TONSL: variants seen among roughly 807,000 people sequenced by gnomAD.
The protein encoded by TONSL is tonsoku like, DNA repair protein, also known as tonsoku-like protein.
TONSL carries 112 observed loss-of-function variants against 147.1 expected under a neutral mutation model. That is an observed-to-expected ratio of 0.76 (90% CI 0.65 to 0.89). The LOEUF (loss-of-function observed/expected upper bound fraction) is 0.89, where lower values mean the gene tolerates loss of function less well. Ranked by LOEUF, TONSL falls within the 40% of genes least tolerant of loss-of-function variation. The probability of loss-of-function intolerance (pLI) is 0.00; values close to 1 mark genes in which losing one functional copy is unlikely to be tolerated. For missense variants in TONSL, 1,883 were observed against 1,864.6 expected (o/e 1.01, Z -0.18); for synonymous variants, 868 against 801.5 (o/e 1.08, Z -1.40).
intron 11 of TONSL, among the ~76,000 whole-genome samples, chr8:144,439,596 C>T (rs1401680759): frequency 6.6e-6 from 1 of 152,248 alleles, no homozygotes; most frequent in African/African-American, 2.4e-5. Context: ...CAGTCCAAGC[C>T]CCGCTCCAGC....
chr8:144,435,239 C>T (rs1336639421), intron 18 of TONSL, 69 bp from the exon 19 acceptor site: 3 of 1,436,916 alleles, frequency 2.1e-6, no homozygotes, highest in Non-Finnish European at 2.7e-6. Context: ...GACCCGCCAT[C>T]CCTGCCCAGG....
In TONSL at chr8:144,433,980, G is replaced by A; in HGVS notation, c.3385C>T (p.Gln1129Ter). Residue 1129 changes from glutamine (Q) to a stop codon, truncating the protein, a stop_gained and splice_region_variant, in exon 21 of 26, where the codon CAG becomes TAG. Coordinates refer to ENST00000409379, the MANE Select transcript of TONSL (RefSeq NM_013432.5). LOFTEE classifies it high-confidence loss of function. ...CCTGCTGCTCTCTGTGCCTATACCT[G>A]CAAGGTGGCTTGGCCTGGGAGCCCC... The part of the protein sequence containing the change: ...AMGLPGQATL[Q>*]SLEELDLSMN... 1 of 1,581,570 alleles carries A rather than the reference G, an allele frequency of 6.3e-7. No individual in the cohort carries two copies. The highest frequency in any genetic ancestry group is 1.1e-5 in the South Asian group (1 of 86,974).
At chr8:144,440,628 A>G in intron 9 of TONSL, 90 bp downstream of exon 9, 1 of 1,540,558 alleles carries the variant, frequency 6.5e-7, no homozygotes, top group Non-Finnish European at 8.7e-7. Flanking sequence ...CCGTCCAGTA[A>G]GGACACCTGT....
At chr8:144,444,116 C>G (rs1162209266) in intron 2 of TONSL, 64 bp downstream of exon 2, 2 of 1,304,104 alleles carry the variant, frequency 1.5e-6, no homozygotes, top group African/African-American at 1.6e-5. Flanking sequence ...CGCCCCCCGG[C>G]CCCCGATCCC....
intron 3 of TONSL, among the ~76,000 whole-genome samples, chr8:144,443,590 C>T (rs1363004565): frequency 6.6e-6 from 1 of 152,242 alleles, no homozygotes; most frequent in African/African-American, 2.4e-5. Flanking sequence ...CCTCCAGCAG[C>T]CAGGGTCAGG....
At chr8:144,443,517 A>G (rs1429713059) in intron 3 of TONSL, among the ~76,000 whole-genome samples, 196 bp from the exon 4 acceptor site, 1 of 152,242 alleles carries the variant, frequency 6.6e-6, no homozygotes. Context: ...TTCACGCTGT[A>G]TGCAGCCAAC....
At position 144,442,450 on chromosome 8, in the gene TONSL, T is replaced by A. The variant is rs372135592; in HGVS notation, c.579-38A>T. 13 of 1,514,702 alleles carry A rather than the reference T, an allele frequency of 8.6e-6. 1 individual carries two copies. The African/African-American group carries it at 1.5e-4, about 18-fold the overall frequency. The allele number at this position is 1,514,702 out of a possible 1,614,324, so 93.8% of individuals were successfully genotyped here. ...GACGACCACTGAGCACCCAGGAGTG[T>A]CCATGACAGCTGCTGATGCCACACG... On this transcript the variant is annotated intron_variant, in intron 5 of 25. Coordinates refer to ENST00000409379, the MANE Select transcript of TONSL (RefSeq NM_013432.5).
chr8:144,431,408 C>T (rs1353215030), intron 23 of TONSL, among the ~76,000 whole-genome samples: 1 of 152,188 alleles, frequency 6.6e-6, no homozygotes, highest in Non-Finnish European at 1.5e-5. Flanking sequence ...TGGGACCTTC[C>T]TGGCGGGGGG....
intron 23 of TONSL, among the ~76,000 whole-genome samples, chr8:144,431,788 C>T (rs533010583): frequency 1.3e-5 from 2 of 151,610 alleles, no homozygotes; most frequent in African/African-American, 4.8e-5. Context: ...GCTGGGATTA[C>T]AGGCGTAAGC....
chr8:144,443,983 G>T lies in TONSL; in HGVS notation c.163C>A (p.Gln55Lys). 6.5e-7 allele frequency: 1 copy of T among 1,540,298 alleles called. No homozygotes were observed. The highest frequency in any genetic ancestry group is 8.7e-7 in the Non-Finnish European group (1 of 1,146,606). Reference protein sequence around the residue: ...EALEQHWQELQLRERADDPLG... With the variant: ...EALEQHWQELKLRERADDPLG... ...GGGTCGTCAGCGCGCTCCCGAAGCT[G>T]CAGCTCCTGCCAGTGCTGCTCCAGA... is the stretch of plus-strand genomic sequence containing the variant. Residue 55 changes from glutamine (Q) to lysine (K), a missense_variant, in exon 3 of 26, where the codon CAG becomes AAG. Gln to Lys is a moderately conservative substitution (Grantham distance 53). Transcript: ENST00000409379.
Position 144,434,816 on chromosome 8 carries a change from C to A in TONSL, c.3080G>T (p.Gly1027Val). The change falls in exon 20 of 26, where the codon GGG (glycine) becomes GTG (valine). Residue 1027 changes from glycine (G) to valine (V), a missense_variant. Gly to Val is a moderately radical substitution (Grantham distance 109, BLOSUM62 -3). Transcript: ENST00000409379. Reference sequence around the variant, plus strand: ...GCAGCTCTCCTGGCCCTCACCTTGCCCCAGGCTCTGGCAGGCCCTGCGGTA... The same window carrying A: ...GCAGCTCTCCTGGCCCTCACCTTGCACCAGGCTCTGGCAGGCCCTGCGGTA... ...DRYRRACQSL[G>V]QGEHQQVLQA... 1 of 1,613,490 alleles carries A rather than the reference C, an allele frequency of 6.2e-7. No individual in the cohort carries two copies. Among genetic ancestry groups the A allele is most frequent in the Non-Finnish European group, 8.5e-7 (1 of 1,179,900 alleles).
Position 144,440,089 on chromosome 8 carries a change from G to A in TONSL, c.1412C>T (p.Ala471Val), listed in dbSNP as rs1355766036. The change falls in exon 11 of 26, where the codon GCG (alanine) becomes GTG (valine). Residue 471 changes from alanine to valine, a missense_variant. By Grantham distance (64) the Ala-to-Val change is moderately conservative (BLOSUM62 0). Coordinates refer to ENST00000409379, the MANE Select transcript of TONSL (RefSeq NM_013432.5). ...CTCCGCTGTGGCTGCCGCCTCCTCC[G>A]CCTCCTCCTCCTCATCTTCATCTTC... ...VAEDEDEEEE[A>V]EEAAATAESE... 31 of 1,605,096 alleles carry A rather than the reference G, an allele frequency of 1.9e-5. No individual in the cohort carries two copies. In the East Asian group the frequency reaches 2.0e-4, roughly 10 times the overall value.
Position 144,435,091 on chromosome 8 carries a change from G to T in TONSL, c.2932C>A (p.Leu978Ile), listed in dbSNP as rs1369783579. The change falls in exon 19 of 26, where the codon CTC becomes ATC. Residue 978 changes from leucine (L) to isoleucine (I), a missense_variant. Physicochemically the swap from Leu to Ile is conservative, Grantham distance 5 (BLOSUM62 2). Transcript: ENST00000409379. ...AGGGCCCCCTCTTTCCGTAGGGTGAGCCTGGGCAGCAGCCCGCAGGTCTGG... is the reference window on the plus strand; with the variant it reads ...AGGGCCCCCTCTTTCCGTAGGGTGATCCTGGGCAGCAGCCCGCAGGTCTGG... ...YYQTCGLLPRLTLRKEGALLA... is the reference protein window; with the variant it reads ...YYQTCGLLPRITLRKEGALLA... 3 of 1,605,430 alleles carry T rather than the reference G, an allele frequency of 1.9e-6. No individual in the cohort carries two copies. In the Admixed American group the frequency reaches 5.1e-5, roughly 27 times the overall value.
chr8:144,430,380 C>T lies in TONSL; in HGVS notation c.3943+24G>A, dbSNP rs201309005. The T allele has an allele frequency of 2.7e-4, 416 of 1,565,474 alleles. 4 individuals carry two copies. In the East Asian group the frequency reaches 9.3e-3, roughly 35 times the overall value. Reference sequence around the variant, plus strand: ...CCCTGAAAAGGCCGAACATGGCAGGCGTGGCCACCATACCAGCACTCACCT... The same window carrying T: ...CCCTGAAAAGGCCGAACATGGCAGGTGTGGCCACCATACCAGCACTCACCT... On this transcript the variant is annotated intron_variant, in intron 25 of 25. Coordinates refer to ENST00000409379, the MANE Select transcript of TONSL (RefSeq NM_013432.5).
At position 144,444,426 on chromosome 8, in the gene TONSL, C is replaced by T. The variant is rs1823832395; in HGVS notation, c.-12G>A. The T allele has an allele frequency of 8.1e-7, 1 of 1,232,230 alleles. No homozygotes were observed. Among genetic ancestry groups the T allele is most frequent in the Non-Finnish European group, 1.0e-6 (1 of 986,022 alleles). 76.3% of individuals were successfully genotyped at this position (1,232,230 alleles called of 1,614,324 possible). ...CGCTCCAGGCTCATGCTCGGATCGC[C>T]GCGGGATCCGGACTTCCCGCGCTGC... On this transcript the variant is annotated 5_prime_UTR_variant, in exon 1 of 26. Transcript: ENST00000409379.
chr8:144,443,358 C>T (rs1478933059), intron 3 of TONSL, 37 bp from the exon 4 acceptor site: 5 of 1,525,922 alleles, frequency 3.3e-6, no homozygotes, highest in African/African-American at 1.4e-5. Flanking sequence ...TGAGCCGACT[C>T]CGCCTCAAGC....
In TONSL at chr8:144,438,703, C is replaced by T; in HGVS notation, c.1513G>A (p.Glu505Lys). The change falls in exon 12 of 26, where the codon GAG becomes AAG. Residue 505 changes from glutamate (E) to lysine (K), a missense_variant. Coordinates refer to ENST00000409379, the MANE Select transcript of TONSL (RefSeq NM_013432.5). The stretch of plus-strand genomic sequence containing the variant: ...TGGCCCTGAAGCTCCTCGTCCTCCT[C>T]CAGCTGCGGGGTCAGGCCATCGGTG... ...DDTDGLTPQL[E>K]EDEELQGHLG... is the part of the protein sequence containing the mutation. 3 of 1,613,288 alleles carry T rather than the reference C, an allele frequency of 1.9e-6. No homozygotes were observed. Among genetic ancestry groups the T allele is most frequent in the Non-Finnish European group, 2.5e-6 (3 of 1,179,950 alleles).
chr8:144,432,210 C>T lies in TONSL; in HGVS notation c.3735+75G>A, dbSNP rs539569361. 8.2e-5 allele frequency: 123 copies of T among 1,499,396 alleles called. 1 individual carries two copies. The Admixed American group carries it at 1.2e-3, about 15-fold the overall frequency. The allele number at this position is 1,499,396 out of a possible 1,614,324, so 92.9% of individuals were successfully genotyped here. A position where few individuals can be genotyped will look rare whatever the true frequency, so the allele number is the denominator to read the frequency against. ...AGTTCAGCCCGAATCTGGGGAGAGG[C>T]GAGCTCCTCCCAGCAACCCTGGGAC... is the stretch of plus-strand genomic sequence containing the variant. On this transcript the variant is annotated intron_variant, in intron 23 of 25. Coordinates refer to ENST00000409379, the MANE Select transcript of TONSL (RefSeq NM_013432.5).
At position 144,432,453 on chromosome 8, in the gene TONSL, C is replaced by T; in HGVS notation, c.3567G>A (p.Glu1189=). ...AGGACAGGGACAGGGTCTTCAGGTGCTCAGCATCTGCACCGGGGCCAGAAT... is the reference window on the plus strand; with the variant it reads ...AGGACAGGGACAGGGTCTTCAGGTGTTCAGCATCTGCACCGGGGCCAGAAT... The part of the protein sequence containing the change: ...TALGSAFQDA[E]HLKTLSLSYN... Residue 1189 remains glutamate (E), a synonymous_variant, in exon 23 of 26, where the codon GAG becomes GAA. Coordinates refer to ENST00000409379, the MANE Select transcript of TONSL (RefSeq NM_013432.5). 1.3e-6 allele frequency: 2 copies of T among 1,543,352 alleles called. No individual in the cohort carries two copies. The highest frequency in any genetic ancestry group is 1.7e-6 in the Non-Finnish European group (2 of 1,146,612).
Sources: allele counts gnomAD v4.1 joint callset (sites outside exome capture counted in the v4.1 genomes callset), GRCh38; gene constraint gnomAD v4.1.1; transcripts MANE v1.5; gene names NCBI Gene and HGNC (gene_info 2026-07-23, HGNC 2026-07-21).